The following NUF2 variants were observed in gnomAD, a reference collection of about 807,000 sequenced individuals.
NUF2 encodes kinetochore protein Nuf2.
NUF2 carries 34 observed loss-of-function variants against 61.8 expected under a neutral mutation model. The ratio of observed to expected loss-of-function variants is 0.55; its 90% CI spans 0.42 to 0.73. The LOEUF is 0.73. NUF2 is among the 30% of genes least tolerant of loss of function. The pLI, the probability that NUF2 is intolerant of heterozygous loss-of-function variation, is 0.00. For missense variants in NUF2, 445 were observed against 539.1 expected (o/e 0.83, Z 1.73); for synonymous variants, 172 against 181.6 (o/e 0.95, Z 0.42).
chr1:163,328,728 C>G (rs1650505511), intron 4 of NUF2, 118 bp from the exon 5 acceptor site: 4 of 672,086 alleles, frequency 6.0e-6, no homozygotes, highest in African/African-American at 1.8e-5. Flanking sequence ...GCTTCGTCCA[C>G]TGACCTTAAG....
intron 5 of NUF2, among the ~76,000 whole-genome samples, chr1:163,334,737 C>A (rs779452272): frequency 9.9e-5 from 15 of 152,120 alleles, no homozygotes; most frequent in Non-Finnish European, 1.9e-4. Flanking sequence ...TATGATCGTG[C>A]CACTGCATCC....
chr1:163,334,505 G>A (rs756216427), intron 5 of NUF2, among the ~76,000 whole-genome samples: 1 of 152,136 alleles, frequency 6.6e-6, no homozygotes, highest in Admixed American at 6.5e-5. Context: ...GCCAGGTGCA[G>A]TGACTCTCAC....
At position 163,343,786 on chromosome 1, in the gene NUF2, A is replaced by G; in HGVS notation, c.723A>G (p.Lys241=). The G allele has an allele frequency of 6.9e-7, 1 of 1,454,948 alleles. No homozygotes were observed. The highest frequency in any genetic ancestry group is 9.1e-7 in the Non-Finnish European group (1 of 1,093,056). The allele number at this position is 1,454,948 out of a possible 1,614,324, so 90.1% of individuals were successfully genotyped here. A position where few individuals can be genotyped will look rare whatever the true frequency, so the allele number is the denominator to read the frequency against. ...VSLKEIQESL[K]TKIVDSPEKL... is the part of the protein sequence containing the mutation. ...TGAAAGAAATACAAGAGAGTTTGAA[A>G]ACAAAAATTGTGGATTCTCCAGAGA... The change falls in exon 10 of 14, where the codon AAA becomes AAG. Residue 241 remains lysine (K), a synonymous_variant. Transcript: ENST00000271452.
At chr1:163,348,101 C>T (rs551229477) in intron 12 of NUF2, among the ~76,000 whole-genome samples, 163 bp downstream of exon 12, 1 of 152,224 alleles carries the variant, frequency 6.6e-6, no homozygotes, top group East Asian at 1.9e-4. Context: ...AATTATAAAA[C>T]TTATACTGCT....
Position 163,338,103 on chromosome 1 carries a change from A to G in NUF2, c.509+10A>G. The G allele has an allele frequency of 6.2e-7, 1 of 1,601,490 alleles. No homozygotes were observed. The highest frequency in any genetic ancestry group is 8.6e-7 in the Non-Finnish European group (1 of 1,168,848). ...AACTGGAGAGACTTGAGTAAGTGGG[A>G]GATTTACAAGTAAAATAAATGCAAT... On this transcript the variant is annotated intron_variant, in intron 7 of 13. Transcript: ENST00000271452.
chr1:163,327,212 A>G (rs1650453861), intron 2 of NUF2, among the ~76,000 whole-genome samples: 2 of 151,396 alleles, frequency 1.3e-5, no homozygotes, highest in Admixed American at 6.6e-5. Flanking sequence ...TTCTTCTTCT[A>G]TTTCCTAAGG....
chr1:163,327,819 C>A, intron 3 of NUF2: 1 of 435,316 alleles, frequency 2.3e-6, no homozygotes, highest in South Asian at 4.3e-5. Flanking sequence ...TGATGCAATG[C>A]AATTGTTATA....
At chr1:163,351,446 A>G (rs982360042) in intron 13 of NUF2, among the ~76,000 whole-genome samples, 53 of 152,320 alleles carry the variant, frequency 3.5e-4, no homozygotes, top group African/African-American at 1.2e-3. Context: ...AGATTTCAAA[A>G]TGTCAAGGTT....
At position 163,348,813 on chromosome 1, in the gene NUF2, T is replaced by C. The variant is rs1177937806; in HGVS notation, c.1125-132T>C. 12 of 928,900 alleles carry C rather than the reference T, an allele frequency of 1.3e-5. No individual in the cohort carries two copies. The East Asian group carries it at 2.7e-4, about 21-fold the overall frequency. 57.5% of individuals were successfully genotyped at this position (928,900 alleles called of 1,614,324 possible). On this transcript the variant is annotated intron_variant, in intron 12 of 13. Transcript: ENST00000271452. ...ACTTTGGGGTTTTCATTCCTTTGCT[T>C]TTATATCTTGAGAAGAGTTTTAGGT...
At chr1:163,324,139 A>G (rs913717737) in intron 1 of NUF2, among the ~76,000 whole-genome samples, 4 of 152,240 alleles carry the variant, frequency 2.6e-5, no homozygotes, top group African/African-American at 9.6e-5. Flanking sequence ...TTTTGAAGTT[A>G]CATATAGCCA....
intron 5 of NUF2, among the ~76,000 whole-genome samples, chr1:163,332,738 A>C (rs796672681): frequency 6.6e-6 from 1 of 152,122 alleles, no homozygotes; most frequent in South Asian, 2.1e-4. Flanking sequence ...CTTTCCTCTT[A>C]TAAAGACACT....
At chr1:163,353,972 T>G (rs1651409500) in intron 13 of NUF2, among the ~76,000 whole-genome samples, 1 of 152,212 alleles carries the variant, frequency 6.6e-6, no homozygotes, top group Admixed American at 6.5e-5. Flanking sequence ...TTAGTCACAC[T>G]TAGTTCTGAT....
At chr1:163,327,239 A>G (rs1486964122) in intron 2 of NUF2, among the ~76,000 whole-genome samples, 1 of 151,892 alleles carries the variant, frequency 6.6e-6, no homozygotes, top group Non-Finnish European at 1.5e-5. Context: ...GGTTGCTTGG[A>G]TTGGATTTGG....
At chr1:163,325,974 T>C (rs1650403272) in intron 1 of NUF2, 58 bp from the exon 2 acceptor site, 1 of 1,341,908 alleles carries the variant, frequency 7.5e-7, no homozygotes, top group Admixed American at 1.8e-5. Flanking sequence ...TTTATTAGTT[T>C]CCAGATAATG....
intron 5 of NUF2, among the ~76,000 whole-genome samples, chr1:163,334,843 A>G (rs116685895): frequency 3.3e-3 from 497 of 152,328 alleles, no homozygotes; most frequent in African/African-American, 0.011. Context: ...CTCGGTGGAT[A>G]TGAAAAGTCA....
intron 13 of NUF2, among the ~76,000 whole-genome samples, chr1:163,351,616 A>G (rs889056327): frequency 6.6e-5 from 10 of 152,196 alleles, no homozygotes; most frequent in Admixed American, 1.3e-4. Context: ...GCGTAGAACT[A>G]TTGATCAAAA....
intron 5 of NUF2, among the ~76,000 whole-genome samples, chr1:163,329,655 A>G (rs1650535676): frequency 6.6e-6 from 1 of 152,206 alleles, no homozygotes; most frequent in African/African-American, 2.4e-5. Context: ...GAACTCACTC[A>G]CTGTAGACAG....
At chr1:163,348,428 T>C (rs1218135025) in intron 12 of NUF2, among the ~76,000 whole-genome samples, 1 of 152,180 alleles carries the variant, frequency 6.6e-6, no homozygotes. Flanking sequence ...TAAGAATGTG[T>C]TTTTAAAATA....
chr1:163,344,597 A>G (rs1206194362), intron 10 of NUF2, among the ~76,000 whole-genome samples: 3 of 115,978 alleles, frequency 2.6e-5, no homozygotes, highest in Non-Finnish European at 5.8e-5. Context: ...GTTCAAGATT[A>G]TGGGTTACTG....
Sources: allele counts gnomAD v4.1 joint callset (sites outside exome capture counted in the v4.1 genomes callset), GRCh38; gene constraint gnomAD v4.1.1; transcripts MANE v1.5; gene names NCBI Gene and HGNC (gene_info 2026-07-23, HGNC 2026-07-21).